Variants in NCOA6 observed in about 807,000 individuals in gnomAD.
The protein encoded by NCOA6 is NRC RAP250.
Under a neutral mutation model 171.4 loss-of-function variants are expected in NCOA6, and 49 were observed. That is an observed-to-expected ratio of 0.29 (90% CI 0.23 to 0.36). NCOA6 has a LOEUF of 0.36. NCOA6 is among the 10% of genes least tolerant of loss of function. The probability of loss-of-function intolerance (pLI) is 1.00; values close to 1 mark genes in which losing one functional copy is unlikely to be tolerated. For synonymous variants in NCOA6, 910 were observed against 927.5 expected (o/e 0.98, Z 0.34); for missense variants, 2,248 against 2,554.5 (o/e 0.88, Z 2.59).
intron 1 of NCOA6, chr20:34,809,608 A>G: frequency 2.5e-6 from 1 of 394,726 alleles, no homozygotes; most frequent in East Asian, 3.6e-5. Flanking sequence ...CCTATTCAAA[A>G]TAAATTTTTG....
intron 1 of NCOA6, among the ~76,000 whole-genome samples, chr20:34,800,033 C>A (rs2078207062): frequency 6.6e-6 from 1 of 152,062 alleles, no homozygotes; most frequent in Non-Finnish European, 1.5e-5. Flanking sequence ...ATAACTACAT[C>A]AACTTTTCCA....
chr20:34,770,849 C>T (rs1232574764), intron 4 of NCOA6, among the ~76,000 whole-genome samples: 4 of 151,766 alleles, frequency 2.6e-5, no homozygotes, highest in Non-Finnish European at 4.4e-5. Flanking sequence ...AGACTGGTCT[C>T]GAATTCCTGA....
chr20:34,816,927 C>G (rs1455674417), intron 1 of NCOA6, among the ~76,000 whole-genome samples: 3 of 151,684 alleles, frequency 2.0e-5, no homozygotes, highest in Admixed American at 2.0e-4. Context: ...TCGAGACCAG[C>G]CTGACCAATA....
chr20:34,822,918 G>A (rs1045607568), intron 1 of NCOA6, among the ~76,000 whole-genome samples: 4 of 152,120 alleles, frequency 2.6e-5, no homozygotes, highest in African/African-American at 7.2e-5. Flanking sequence ...TAGCAGTTCT[G>A]TGACTCTGTA....
At position 34,758,847 on chromosome 20, in the gene NCOA6, G is replaced by C; in HGVS notation, c.601C>G (p.Pro201Ala). ...SSSMMAPGPN[P>A]ELQPRTPRPA... Reference sequence around the variant, plus strand: ...CGAGGAGTCCTGGGCTGCAGCTCTGGATTGGGGCCTGGTGCCATCATGGAA... The same window carrying C: ...CGAGGAGTCCTGGGCTGCAGCTCTGCATTGGGGCCTGGTGCCATCATGGAA... Residue 201 changes from proline to alanine, a missense_variant, in exon 6 of 15, where the codon CCA (proline) becomes GCA (alanine). By Grantham distance (27) the Pro-to-Ala change is conservative (BLOSUM62 -1). Around this residue, in one of 7 missense-constraint regions of NCOA6, gnomAD observed 987 missense variants for 1,104.7 expected, o/e 0.89. Transcript: ENST00000359003. 1.2e-6 allele frequency: 2 copies of C among 1,613,434 alleles called. No homozygotes were observed. The highest frequency in any genetic ancestry group is 2.7e-5 in the African/African-American group (2 of 74,984).
chr20:34,765,415 A>G lies in NCOA6; in HGVS notation c.514+3049T>C, dbSNP rs2076950336. On this transcript the variant is annotated intron_variant, in intron 5 of 14. Coordinates refer to ENST00000359003, the MANE Select transcript of NCOA6 (RefSeq NM_014071.5). ...AGATCGTGCCACTGCATTCCAGCCTAGGCGACAGAGCGAGAGTCCGTCTCA... is the reference window on the plus strand; with the variant it reads ...AGATCGTGCCACTGCATTCCAGCCTGGGCGACAGAGCGAGAGTCCGTCTCA... Among the ~76,000 whole-genome samples, 6 of 145,776 alleles carry G rather than the reference A, an allele frequency of 4.1e-5. No homozygotes were observed. The South Asian group carries it at 1.4e-3, about 33-fold the overall frequency.
At chr20:34,767,556 A>G (rs1030652113) in intron 5 of NCOA6, among the ~76,000 whole-genome samples, 6 of 152,144 alleles carry the variant, frequency 3.9e-5, no homozygotes, top group African/African-American at 1.4e-4. Context: ...TCGGCCTCCC[A>G]AAGTGCTGAG....
intron 1 of NCOA6, among the ~76,000 whole-genome samples, chr20:34,812,496 A>G (rs2146642280): frequency 6.6e-6 from 1 of 152,286 alleles, no homozygotes; most frequent in Non-Finnish European, 1.5e-5. Context: ...CTTCAATCCT[A>G]ACTTCTTAGT....
chr20:34,806,298 T>C (rs569495643), intron 1 of NCOA6, among the ~76,000 whole-genome samples: 6 of 152,380 alleles, frequency 3.9e-5, no homozygotes, highest in African/African-American at 1.4e-4. Flanking sequence ...GTTCCTTCTT[T>C]ATTCCAGATA....
intron 1 of NCOA6, among the ~76,000 whole-genome samples, chr20:34,824,316 C>A (rs1302553705): frequency 2.0e-5 from 3 of 152,184 alleles, no homozygotes; most frequent in Non-Finnish European, 4.4e-5. Context: ...TTTCTAGTAC[C>A]CCTCTGCCAC....
At chr20:34,716,965 A>G (rs867201600) in intron 14 of NCOA6, among the ~76,000 whole-genome samples, 1 of 152,208 alleles carries the variant, frequency 6.6e-6, no homozygotes, top group African/African-American at 2.4e-5. Context: ...TAATATATCA[A>G]TACAAAAGAT....
intron 3 of NCOA6, among the ~76,000 whole-genome samples, chr20:34,779,302 G>A (rs867203821): frequency 6.6e-6 from 1 of 152,060 alleles, no homozygotes; most frequent in Admixed American, 6.6e-5. Flanking sequence ...CTTGAGCTCA[G>A]GAGTTTGAGA....
Position 34,741,993 on chromosome 20 carries a change from C to A in NCOA6, c.4263G>T (p.Val1421=), listed in dbSNP as rs774994142. The A allele has an allele frequency of 1.9e-6, 3 of 1,614,216 alleles. No homozygotes were observed. Among genetic ancestry groups the A allele is most frequent in the Non-Finnish European group, 2.5e-6 (3 of 1,180,034 alleles). ...VVEDNKESLN[V]PQDSDCQNSQ... is the part of the protein sequence containing the mutation. ...AATTCTGGCAATCACTGTCCTGAGGCACATTCAAGCTCTCCTTGTTATCCT... is the reference window on the plus strand; with the variant it reads ...AATTCTGGCAATCACTGTCCTGAGGAACATTCAAGCTCTCCTTGTTATCCT... The change falls in exon 11 of 15, where the codon GTG becomes GTT. Residue 1421 remains valine, a synonymous_variant. Coordinates refer to ENST00000359003, the MANE Select transcript of NCOA6 (RefSeq NM_014071.5).
chr20:34,758,509 T>A (rs1199634088), intron 6 of NCOA6, among the ~76,000 whole-genome samples: 1 of 152,238 alleles, frequency 6.6e-6, no homozygotes, highest in Non-Finnish European at 1.5e-5. Flanking sequence ...GGGTAAAGAA[T>A]GATGCATTTA....
At chr20:34,817,049 G>A (rs2078858536) in intron 1 of NCOA6, among the ~76,000 whole-genome samples, 1 of 150,582 alleles carries the variant, frequency 6.6e-6, no homozygotes, top group Admixed American at 6.6e-5. Flanking sequence ...CTTGAACCCA[G>A]GAGGCGGAGG....
At chr20:34,790,102 C>T (rs144598501) in intron 2 of NCOA6, among the ~76,000 whole-genome samples, 3 of 148,646 alleles carry the variant, frequency 2.0e-5, no homozygotes, top group African/African-American at 7.4e-5. Flanking sequence ...TTAAGAATAA[C>T]TCTAAATTAC....
chr20:34,769,914 G>A (rs549207590), intron 4 of NCOA6, among the ~76,000 whole-genome samples: 1 of 152,300 alleles, frequency 6.6e-6, no homozygotes, highest in South Asian at 2.1e-4. Context: ...TGGCTGCTGA[G>A]CTGAAAGGCT....
chr20:34,764,734 T>A (rs928861018), intron 5 of NCOA6, among the ~76,000 whole-genome samples: 4 of 152,084 alleles, frequency 2.6e-5, no homozygotes, highest in African/African-American at 7.2e-5. Context: ...AGAGGACAGT[T>A]AGGCTAATGT....
At chr20:34,719,598 T>C (rs1989056877) in intron 14 of NCOA6, among the ~76,000 whole-genome samples, 1 of 150,120 alleles carries the variant, frequency 6.7e-6, no homozygotes, top group Non-Finnish European at 1.5e-5. Context: ...ACCACTGCAC[T>C]CCAGCCTGGG....
Sources: gnomAD v4.1 joint callset for allele counts (sites outside exome capture counted in the v4.1 genomes callset) on GRCh38, gnomAD v4.1.1 for gene constraint, gnomAD v4.1.1 regional missense constraint, MANE v1.5 for transcripts, NCBI Gene and HGNC (gene_info 2026-07-23, HGNC 2026-07-21) for gene names.